Variants in SMIM10L2A observed in about 807,000 individuals in gnomAD.
The protein encoded by SMIM10L2A is small integral membrane protein 10-like protein 2A.
In SMIM10L2A, 2 loss-of-function variants were observed where a neutral mutation model predicts 3.0. The observed-to-expected ratio is 0.66, with a 90% confidence interval of 0.27 to 2.08. The LOEUF (loss-of-function observed/expected upper bound fraction) is 2.08. Among genes scored for constraint, SMIM10L2A ranks in the 30% most tolerant of loss-of-function variants. The pLI is 0.14. For missense variants in SMIM10L2A, 59 were observed against 66.5 expected (o/e 0.89, Z 0.39); for synonymous variants, 29 against 34.8 (o/e 0.83, Z 0.58).
In SMIM10L2A at chrX:135,427,751, AT is replaced by A; in HGVS notation, c.*4482del. On this transcript the variant is annotated 3_prime_UTR_variant, in exon 2 of 2. Coordinates refer to ENST00000417443, the MANE Select transcript of SMIM10L2A (RefSeq NM_203306.3). ...ATCTCTTTTGTATGAAGGTTTCATC[AT>A]GTATCCCCCAGTGCCCTTTGGTTGT... is the stretch of plus-strand genomic sequence containing the variant. The A allele has an allele frequency of 1.8e-5, 2 of 112,284 alleles. No individual in the cohort carries two copies. Among genetic ancestry groups the A allele is most frequent in the African/African-American group, 6.5e-5 (2 of 30,833 alleles). 9.3% of individuals were successfully genotyped at this position (112,284 alleles called of 1,213,427 possible). A position where few individuals can be genotyped will look rare whatever the true frequency, so the allele number is the denominator to read the frequency against.
In SMIM10L2A at chrX:135,422,719, C is replaced by T. The variant is rs1260375059; in HGVS notation, c.*351C>T. 8.1e-6 allele frequency: 1 copy of T among 123,500 alleles called. No homozygotes were observed. Among genetic ancestry groups the T allele is most frequent in the Non-Finnish European group, 1.7e-5 (1 of 60,332 alleles). The allele number at this position is 123,500 out of a possible 1,213,427, so 10.2% of individuals were successfully genotyped here. A position where few individuals can be genotyped will look rare whatever the true frequency, so the allele number is the denominator to read the frequency against. On this transcript the variant is annotated 3_prime_UTR_variant, in exon 1 of 2. Coordinates refer to ENST00000417443, the MANE Select transcript of SMIM10L2A (RefSeq NM_203306.3). ...CTGCGGCGACTTGACTTTCCAGGCC[C>T]GGAGCAGAAAGGTAGGAGGCGACAG...
rs1412406706 is a variant in SMIM10L2A, at chrX:135,424,453, C to T, written c.*1183C>T. The T allele has an allele frequency of 5.4e-5, 6 of 110,522 alleles. No homozygotes were observed. The highest frequency in any genetic ancestry group is 1.1e-4 in the Non-Finnish European group (6 of 52,704). The allele number at this position is 110,522 out of a possible 1,213,427, so 9.1% of individuals were successfully genotyped here. A position where few individuals can be genotyped will look rare whatever the true frequency, so the allele number is the denominator to read the frequency against. On this transcript the variant is annotated 3_prime_UTR_variant, in exon 2 of 2. Transcript: ENST00000417443. ...TGAGACCCATGGCATGACCCCAATT[C>T]TCTCTCCTCAAGCTCGACCCCCCAT...
At position 135,427,863 on chromosome X, in the gene SMIM10L2A, G is replaced by A. The variant is rs2085158553; in HGVS notation, c.*4593G>A. 1 of 111,604 alleles carries A rather than the reference G, an allele frequency of 9.0e-6. No homozygotes were observed. 9.2% of individuals were successfully genotyped at this position (111,604 alleles called of 1,213,427 possible). ...TGTTTTTATAAATGATACAGTGACAGATGCCGTTGTGGATAAATGCTGTGG... is the reference window on the plus strand; with the variant it reads ...TGTTTTTATAAATGATACAGTGACAAATGCCGTTGTGGATAAATGCTGTGG... On this transcript the variant is annotated 3_prime_UTR_variant, in exon 2 of 2. Transcript: ENST00000417443.
At position 135,426,077 on chromosome X, in the gene SMIM10L2A, G is replaced by T. The variant is rs1253401425; in HGVS notation, c.*2807G>T. 5 of 112,182 alleles carry T rather than the reference G, an allele frequency of 4.5e-5. No homozygotes were observed. Among genetic ancestry groups the T allele is most frequent in the African/African-American group, 1.6e-4 (5 of 30,811 alleles). 9.2% of individuals were successfully genotyped at this position (112,182 alleles called of 1,213,427 possible). A position where few individuals can be genotyped will look rare whatever the true frequency, so the allele number is the denominator to read the frequency against. ...TTTTTAGAGTCTGGCGATCAAAAGT[G>T]TCTTAAGTCAGTAGAATCCTGAGGG... On this transcript the variant is annotated 3_prime_UTR_variant, in exon 2 of 2. Transcript: ENST00000417443.
intron 1 of SMIM10L2A, among the ~76,000 whole-genome samples, chrX:135,423,253 A>G (rs1187977282): frequency 2.7e-5 from 3 of 112,056 alleles, no homozygotes; most frequent in Non-Finnish European, 3.8e-5. Context: ...GCTGTCCCTT[A>G]TGTTCCCCTA....
At position 135,427,056 on chromosome X, in the gene SMIM10L2A, T is replaced by A. The variant is rs2085155646; in HGVS notation, c.*3786T>A. 8.8e-6 allele frequency: 1 copy of A among 113,003 alleles called. No individual in the cohort carries two copies. The allele number at this position is 113,003 out of a possible 1,213,427, so 9.3% of individuals were successfully genotyped here. Reference sequence around the variant, plus strand: ...CGGCCTCTGATGAGAGCCTGCCATGTGCCAGGCACCATACTAGGTGCTTTG... The same window carrying A: ...CGGCCTCTGATGAGAGCCTGCCATGAGCCAGGCACCATACTAGGTGCTTTG... On this transcript the variant is annotated 3_prime_UTR_variant, in exon 2 of 2. Coordinates refer to ENST00000417443, the MANE Select transcript of SMIM10L2A (RefSeq NM_203306.3).
chrX:135,422,012 G>T lies in SMIM10L2A; in HGVS notation c.-120G>T, dbSNP rs1437615040. The T allele has an allele frequency of 7.8e-6, 2 of 254,791 alleles. No individual in the cohort carries two copies. Among genetic ancestry groups the T allele is most frequent in the Non-Finnish European group, 1.4e-5 (2 of 143,901 alleles). The allele number at this position is 254,791 out of a possible 1,213,427, so 21.0% of individuals were successfully genotyped here. A position where few individuals can be genotyped will look rare whatever the true frequency, so the allele number is the denominator to read the frequency against. On this transcript the variant is annotated 5_prime_UTR_variant, in exon 1 of 2. Coordinates refer to ENST00000417443, the MANE Select transcript of SMIM10L2A (RefSeq NM_203306.3). ...CCCCGCTCGGCCTTGGGAACACGGG[G>T]GCGGGGCGGCCGCGGCTCTGGGCGA... is the stretch of plus-strand genomic sequence containing the variant.
Position 135,427,356 on chromosome X carries a change from C to T in SMIM10L2A, c.*4086C>T, listed in dbSNP as rs1218059356. 8.9e-6 allele frequency: 1 copy of T among 111,825 alleles called. No individual in the cohort carries two copies. Among genetic ancestry groups the T allele is most frequent in the Non-Finnish European group, 1.9e-5 (1 of 53,168 alleles). 9.2% of individuals were successfully genotyped at this position (111,825 alleles called of 1,213,427 possible). A position where few individuals can be genotyped will look rare whatever the true frequency, so the allele number is the denominator to read the frequency against. On this transcript the variant is annotated 3_prime_UTR_variant, in exon 2 of 2. Transcript: ENST00000417443. ...CTGAGAGCCTTCTCCAAATGGAACT[C>T]CCCAGTGGGAGCAGCTGTGGCCACC...
rs1408847761 is a variant in SMIM10L2A, at chrX:135,425,596, G to GCTT, written c.*2328_*2329insTCT. 8.9e-6 allele frequency: 1 copy of GCTT among 112,526 alleles called. No individual in the cohort carries two copies. The highest frequency in any genetic ancestry group is 1.9e-5 in the Non-Finnish European group (1 of 53,286). 9.3% of individuals were successfully genotyped at this position (112,526 alleles called of 1,213,427 possible). ...TGCAGTCTGTTTTCTAGGCGGTGGA[G>GCTT]CTAGACACTGACCGGAATGACATAC... On this transcript the variant is annotated 3_prime_UTR_variant, in exon 2 of 2. Coordinates refer to ENST00000417443, the MANE Select transcript of SMIM10L2A (RefSeq NM_203306.3).
In SMIM10L2A at chrX:135,426,946, C is replaced by T. The variant is rs1262329073; in HGVS notation, c.*3676C>T. ...TTGGGATGCTTGTAAGCAGTGAATA[C>T]GATGATGTCTGTTCATTGTTTGTCA... On this transcript the variant is annotated 3_prime_UTR_variant, in exon 2 of 2. Coordinates refer to ENST00000417443, the MANE Select transcript of SMIM10L2A (RefSeq NM_203306.3). 1 of 113,079 alleles carries T rather than the reference C, an allele frequency of 8.8e-6. No individual in the cohort carries two copies. Among genetic ancestry groups the T allele is most frequent in the Non-Finnish European group, 1.9e-5 (1 of 53,386 alleles). 9.3% of individuals were successfully genotyped at this position (113,079 alleles called of 1,213,427 possible). A position where few individuals can be genotyped will look rare whatever the true frequency, so the allele number is the denominator to read the frequency against.
chrX:135,422,195 C>T lies in SMIM10L2A; in HGVS notation c.64C>T (p.Arg22Trp). Residue 22 changes from arginine to tryptophan, a missense_variant, in exon 1 of 2, where the codon CGG becomes TGG. Transcript: ENST00000417443. ...GGCGGCCCTGTCTGGCCTGGCGGTG[C>T]GGCTGTCGCGCTCAGCTGCGGCCCG... ...AAAALSGLAV[R>W]LSRSAAARGS... 4.1e-6 allele frequency: 4 copies of T among 967,254 alleles called. No individual in the cohort carries two copies. The highest frequency in any genetic ancestry group is 4.1e-6 in the Non-Finnish European group (3 of 729,849). The allele number at this position is 967,254 out of a possible 1,213,427, so 79.7% of individuals were successfully genotyped here.
At chrX:135,423,279 A>G (rs1333993778) in intron 1 of SMIM10L2A, among the ~76,000 whole-genome samples, 1 of 111,300 alleles carries the variant, frequency 9.0e-6, no homozygotes, top group East Asian at 2.8e-4. Flanking sequence ...ACATGAGGGC[A>G]CCCCCCAAGC....
Position 135,426,757 on chromosome X carries a change from T to C in SMIM10L2A, c.*3487T>C, listed in dbSNP as rs1556471807. ...TCCAAGGCTTCTTGAAGAGGGAGGA[T>C]CACCCCTCCCATCCCTGCTACAGAG... On this transcript the variant is annotated 3_prime_UTR_variant, in exon 2 of 2. Coordinates refer to ENST00000417443, the MANE Select transcript of SMIM10L2A (RefSeq NM_203306.3). 5 of 112,560 alleles carry C rather than the reference T, an allele frequency of 4.4e-5. No homozygotes were observed. The highest frequency in any genetic ancestry group is 9.4e-5 in the Non-Finnish European group (5 of 53,220). 9.3% of individuals were successfully genotyped at this position (112,560 alleles called of 1,213,427 possible).
In SMIM10L2A at chrX:135,424,997, C is replaced by G. The variant is rs1556471227; in HGVS notation, c.*1727C>G. On this transcript the variant is annotated 3_prime_UTR_variant, in exon 2 of 2. Transcript: ENST00000417443. Reference sequence around the variant, plus strand: ...CCCCCCAACAGATCTTTGGGGGCAGCCTCTATGGGACAAGAGTGACACAGG... The same window carrying G: ...CCCCCCAACAGATCTTTGGGGGCAGGCTCTATGGGACAAGAGTGACACAGG... The G allele has an allele frequency of 8.9e-6, 1 of 111,891 alleles. No individual in the cohort carries two copies. The highest frequency in any genetic ancestry group is 2.8e-4 in the East Asian group (1 of 3,538). The allele number at this position is 111,891 out of a possible 1,213,427, so 9.2% of individuals were successfully genotyped here.
In SMIM10L2A at chrX:135,422,158, A is replaced by G. The variant is rs1436575871; in HGVS notation, c.27A>G (p.Ala9=). The G allele has an allele frequency of 6.9e-6, 5 of 720,930 alleles. No individual in the cohort carries two copies. Among genetic ancestry groups the G allele is most frequent in the Non-Finnish European group, 7.6e-6 (4 of 528,038 alleles). 59.4% of individuals were successfully genotyped at this position (720,930 alleles called of 1,213,427 possible). MAASAALS[A]AAAAAALSGL... ...TGGCGGCGTCGGCGGCTCTGTCTGC[A>G]GCGGCGGCTGCGGCGGCCCTGTCTG... Residue 9 remains alanine, a synonymous_variant, in exon 1 of 2, where the codon GCA becomes GCG. Coordinates refer to ENST00000417443, the MANE Select transcript of SMIM10L2A (RefSeq NM_203306.3).
Position 135,422,403 on chromosome X carries a change from A to T in SMIM10L2A, c.*35A>T. The stretch of plus-strand genomic sequence containing the variant: ...GCGGCGGCGGCGAAGGCCCGGCTGA[A>T]GGGGCGCCCGTGTCCCCGCCCGCCC... On this transcript the variant is annotated 3_prime_UTR_variant, in exon 1 of 2. Coordinates refer to ENST00000417443, the MANE Select transcript of SMIM10L2A (RefSeq NM_203306.3). The T allele has an allele frequency of 2.3e-6, 1 of 430,805 alleles. No homozygotes were observed. Among genetic ancestry groups the T allele is most frequent in the African/African-American group, 2.5e-5 (1 of 39,419 alleles). 35.5% of individuals were successfully genotyped at this position (430,805 alleles called of 1,213,427 possible).
chrX:135,422,118 C>A lies in SMIM10L2A; in HGVS notation c.-14C>A, dbSNP rs2085133151. The A allele has an allele frequency of 7.2e-6, 3 of 417,427 alleles. No homozygotes were observed. The highest frequency in any genetic ancestry group is 5.2e-5 in the African/African-American group (2 of 38,134). The allele number at this position is 417,427 out of a possible 1,213,427, so 34.4% of individuals were successfully genotyped here. A position where few individuals can be genotyped will look rare whatever the true frequency, so the allele number is the denominator to read the frequency against. On this transcript the variant is annotated 5_prime_UTR_variant, in exon 1 of 2. Transcript: ENST00000417443. ...GGTCAGTCGGTCGGCGGGGCCTGCG[C>A]GGGGCCCGGGCCCATGGCGGCGTCG...
chrX:135,424,479 C>T lies in SMIM10L2A; in HGVS notation c.*1209C>T, dbSNP rs1269834886. The T allele has an allele frequency of 1.8e-5, 2 of 111,162 alleles. No individual in the cohort carries two copies. The highest frequency in any genetic ancestry group is 6.6e-5 in the African/African-American group (2 of 30,376). The allele number at this position is 111,162 out of a possible 1,213,427, so 9.2% of individuals were successfully genotyped here. ...TCTCTCCTCAAGCTCGACCCCCCAT[C>T]CCCAGGATCACACAGGAGAATCTCA... On this transcript the variant is annotated 3_prime_UTR_variant, in exon 2 of 2. Coordinates refer to ENST00000417443, the MANE Select transcript of SMIM10L2A (RefSeq NM_203306.3).
At position 135,426,930 on chromosome X, in the gene SMIM10L2A, T is replaced by A. The variant is rs1556471876; in HGVS notation, c.*3660T>A. On this transcript the variant is annotated 3_prime_UTR_variant, in exon 2 of 2. Transcript: ENST00000417443. ...TTTTAGTAAGGTTCCGTTGGGATGCTTGTAAGCAGTGAATACGATGATGTC... is the reference window on the plus strand; with the variant it reads ...TTTTAGTAAGGTTCCGTTGGGATGCATGTAAGCAGTGAATACGATGATGTC... 1 of 113,258 alleles carries A rather than the reference T, an allele frequency of 8.8e-6. No homozygotes were observed. The highest frequency in any genetic ancestry group is 1.9e-5 in the Non-Finnish European group (1 of 53,426). The allele number at this position is 113,258 out of a possible 1,213,427, so 9.3% of individuals were successfully genotyped here. A position where few individuals can be genotyped will look rare whatever the true frequency, so the allele number is the denominator to read the frequency against.
Sources: gnomAD v4.1 joint callset for allele counts (sites outside exome capture counted in the v4.1 genomes callset) on GRCh38, gnomAD v4.1.1 for gene constraint, MANE v1.5 for transcripts, NCBI Gene and HGNC (gene_info 2026-07-23, HGNC 2026-07-21) for gene names.